GTF3C5: variants seen among roughly 807,000 people sequenced by gnomAD.
GTF3C5 encodes the protein general transcription factor IIIC subunit 5.
GTF3C5 carries 47 observed loss-of-function variants against 61.0 expected under a neutral mutation model. That is an observed-to-expected ratio of 0.77 (90% CI 0.61 to 0.98). GTF3C5 has a LOEUF of 0.98. Among genes scored for constraint, GTF3C5 ranks in the 50% least tolerant of loss-of-function variants. GTF3C5 has a pLI of 0.00. For synonymous variants in GTF3C5, 295 were observed against 275.4 expected (o/e 1.07, Z -0.71); for missense variants, 659 against 703.3 (o/e 0.94, Z 0.71).
intron 1 of GTF3C5, among the ~76,000 whole-genome samples, chr9:133,031,907 G>A (rs532425802): frequency 6.6e-6 from 1 of 152,144 alleles, no homozygotes; most frequent in Non-Finnish European, 1.5e-5. Flanking sequence ...GACAGAGCAG[G>A]TGATAGAAGC....
chr9:133,040,663 G>A (rs974904423), intron 1 of GTF3C5, among the ~76,000 whole-genome samples: 1 of 152,072 alleles, frequency 6.6e-6, no homozygotes, highest in Non-Finnish European at 1.5e-5. Flanking sequence ...TTTGGACCTC[G>A]AAACATTTGC....
chr9:133,054,803 G>A lies in GTF3C5; in HGVS notation c.1161G>A (p.Lys387=). 6.4e-7 allele frequency: 1 copy of A among 1,571,614 alleles called. No individual in the cohort carries two copies. Among genetic ancestry groups the A allele is most frequent in the Non-Finnish European group, 8.6e-7 (1 of 1,158,392 alleles). Residue 387 remains lysine, a synonymous_variant, in exon 8 of 11, where the codon AAG becomes AAA. Coordinates refer to ENST00000372097, the MANE Select transcript of GTF3C5 (RefSeq NM_012087.4). ...GGAAACCAGCTTCCAGCAAGTACAA[G>A]CTCAAGGTGGGCGCCCCTGGAGGCC... ...GARKPASSKY[K]LKDSVYIFRE...
At chr9:133,036,130 C>A (rs2118974845) in intron 1 of GTF3C5, among the ~76,000 whole-genome samples, 1 of 152,270 alleles carries the variant, frequency 6.6e-6, no homozygotes, top group South Asian at 2.1e-4. Flanking sequence ...GAAGAGCCAT[C>A]TATAAATAAG....
chr9:133,057,373 G>A (rs961657317), intron 10 of GTF3C5, among the ~76,000 whole-genome samples: 2 of 152,214 alleles, frequency 1.3e-5, no homozygotes, highest in African/African-American at 2.4e-5. Context: ...TGGGTCTCAC[G>A]AGGCTCGGGG....
intron 9 of GTF3C5, 56 bp from the exon 10 acceptor site, chr9:133,056,708 ATC>A: frequency 6.8e-7 from 1 of 1,477,660 alleles, no homozygotes; most frequent in Non-Finnish European, 9.1e-7. Flanking sequence ...CAACACTGGC[ATC>A]TCTTAGCAGA....
intron 6 of GTF3C5, among the ~76,000 whole-genome samples, 200 bp downstream of exon 6, chr9:133,054,142 G>A (rs139862621): frequency 4.0e-4 from 61 of 152,310 alleles, no homozygotes; most frequent in Middle Eastern, 3.4e-3. Context: ...CTGACCGCCC[G>A]TTTCTGAACC....
rs931281250 is a variant in GTF3C5 at position 133,055,759 on chromosome 9, C to T, written c.1168-253C>T. 82 of 1,332,314 alleles carry T rather than the reference C, an allele frequency of 6.2e-5. No homozygotes were observed. The East Asian group carries it at 7.9e-4, about 13-fold the overall frequency. 82.5% of individuals were successfully genotyped at this position (1,332,314 alleles called of 1,614,324 possible). On this transcript the variant is annotated intron_variant, in intron 8 of 10. Transcript: ENST00000372097. Reference sequence around the variant, plus strand: ...GCCATGGGCGCCATGGCCTGCTGCACGGGCGGGCTCACCGTTTCCAGTGGC... The same window carrying T: ...GCCATGGGCGCCATGGCCTGCTGCATGGGCGGGCTCACCGTTTCCAGTGGC...
At chr9:133,030,806 G>A (rs1162779939), upstream of GTF3C5, 9 of 673,402 alleles carry the variant, frequency 1.3e-5, no homozygotes, top group Non-Finnish European at 1.9e-5. Flanking sequence ...AAAAGTCGAG[G>A]ACACGGCGGT....
Position 133,057,800 on chromosome 9 carries a change from T to C in GTF3C5, c.1394-14T>C. 1 of 1,581,392 alleles carries C rather than the reference T, an allele frequency of 6.3e-7. No individual in the cohort carries two copies. Among genetic ancestry groups the C allele is most frequent in the East Asian group, 2.2e-5 (1 of 44,648 alleles). Reference sequence around the variant, plus strand: ...TGCATGGGACACCCATGGCCTTGTCTCCTCCGGCCCCAGCTCTCTTTTCCA... The same window carrying C: ...TGCATGGGACACCCATGGCCTTGTCCCCTCCGGCCCCAGCTCTCTTTTCCA... On this transcript the variant is annotated splice_polypyrimidine_tract_variant and intron_variant, in intron 10 of 10. Coordinates refer to ENST00000372097, the MANE Select transcript of GTF3C5 (RefSeq NM_012087.4).
At chr9:133,037,478 C>A (rs1010710418) in intron 1 of GTF3C5, among the ~76,000 whole-genome samples, 3 of 152,096 alleles carry the variant, frequency 2.0e-5, no homozygotes, top group African/African-American at 7.3e-5. Context: ...ATATTGCTTC[C>A]TTCTTACTAT....
Position 133,056,876 on chromosome 9 carries a change from T to C in GTF3C5, c.1361T>C (p.Met454Thr). The change falls in exon 10 of 11, where the codon ATG becomes ACG. Residue 454 changes from methionine to threonine, a missense_variant. Met to Thr is a moderately conservative substitution (Grantham distance 81, BLOSUM62 -1). Transcript: ENST00000372097. ...SDELRDTMSL[M>T]IRQTIRSKRP... is the part of the protein sequence containing the mutation. Reference sequence around the variant, plus strand: ...GAGCTCAGGGACACCATGTCCCTCATGATCCGGCAGACCATCCGCTCCAAG... The same window carrying C: ...GAGCTCAGGGACACCATGTCCCTCACGATCCGGCAGACCATCCGCTCCAAG... 2 of 1,608,756 alleles carry C rather than the reference T, an allele frequency of 1.2e-6. No individual in the cohort carries two copies. Among genetic ancestry groups the C allele is most frequent in the Non-Finnish European group, 1.7e-6 (2 of 1,177,544 alleles).
At chr9:133,036,078 A>G (rs1210401840) in intron 1 of GTF3C5, among the ~76,000 whole-genome samples, 1 of 152,150 alleles carries the variant, frequency 6.6e-6, no homozygotes, top group African/African-American at 2.4e-5. Context: ...TTCCCCATAG[A>G]CTACTGAATA....
chr9:133,055,280 C>T (rs1564204961), intron 8 of GTF3C5: 1 of 1,425,102 alleles, frequency 7.0e-7, no homozygotes, highest in Non-Finnish European at 9.3e-7. Context: ...CATTCAGGCT[C>T]CCGCAAGCCG....
chr9:133,052,005 C>A, intron 4 of GTF3C5, 55 bp from the exon 5 acceptor site: 1 of 943,702 alleles, frequency 1.1e-6, no homozygotes, highest in Non-Finnish European at 1.7e-6. Flanking sequence ...GAGTTCAGGG[C>A]CGAAGGGTGG....
At chr9:133,045,906 G>C (rs1349864677) in intron 3 of GTF3C5, among the ~76,000 whole-genome samples, 1 of 152,156 alleles carries the variant, frequency 6.6e-6, no homozygotes, top group Non-Finnish European at 1.5e-5. Context: ...CAAGGTGCTG[G>C]GATTACAGGT....
chr9:133,050,867 C>T lies in GTF3C5; in HGVS notation c.657C>T (p.Val219=), dbSNP rs376602302. 1.2e-6 allele frequency: 2 copies of T among 1,612,702 alleles called. No individual in the cohort carries two copies. Among genetic ancestry groups the T allele is most frequent in the Non-Finnish European group, 8.5e-7 (1 of 1,179,444 alleles). The change falls in exon 4 of 11, where the codon GTC becomes GTT. Residue 219 remains valine (V), a synonymous_variant. Coordinates refer to ENST00000372097, the MANE Select transcript of GTF3C5 (RefSeq NM_012087.4). ...GGCGCCCCCACAATGCCATCTTTGT[C>T]AACTTTGAGGATGAGGAGGTGCCCA... ...RARRPHNAIF[V]NFEDEEVPKQ...
rs191292694 is a variant in GTF3C5, at chr9:133,054,984, G to C, written c.1167+175G>C. 2,276 of 1,551,740 alleles carry C rather than the reference G, an allele frequency of 1.5e-3. 26 individuals are homozygous for C. The South Asian group carries it at 0.017, about 12-fold the overall frequency. On this transcript the variant is annotated intron_variant, in intron 8 of 10. Coordinates refer to ENST00000372097, the MANE Select transcript of GTF3C5 (RefSeq NM_012087.4). ...CTGAGGGTGAGAACTCGGGTGCAAA[G>C]CCCCAGGGCTGTGTGTGTTGGGGAC...
chr9:133,056,478 G>C (rs979070872), intron 9 of GTF3C5, among the ~76,000 whole-genome samples: 4 of 152,220 alleles, frequency 2.6e-5, no homozygotes, highest in African/African-American at 9.7e-5. Context: ...GAGGAGATGG[G>C]AACACATCAA....
intron 1 of GTF3C5, among the ~76,000 whole-genome samples, chr9:133,032,680 G>A (rs755931723): frequency 1.3e-5 from 2 of 152,116 alleles, no homozygotes; most frequent in East Asian, 3.8e-4. Context: ...AGCTGTCTCC[G>A]TAAGTCTTTG....
Sources: gnomAD v4.1 joint callset for allele counts (sites outside exome capture counted in the v4.1 genomes callset) on GRCh38, gnomAD v4.1.1 for gene constraint, MANE v1.5 for transcripts, NCBI Gene and HGNC (gene_info 2026-07-23, HGNC 2026-07-21) for gene names.